WDR35: variants seen among roughly 807,000 people sequenced by gnomAD.
The protein encoded by WDR35 is WD repeat domain 35.
Under a neutral mutation model 158.3 loss-of-function variants are expected in WDR35, and 118 were observed. That is an observed-to-expected ratio of 0.75 (90% CI 0.64 to 0.87). The LOEUF is 0.87. Ranked by LOEUF, WDR35 falls within the 40% of genes least tolerant of loss-of-function variation. WDR35 has a pLI of 0.00. For synonymous variants in WDR35, 448 were observed against 476.1 expected (o/e 0.94, Z 0.77); for missense variants, 1,263 against 1,405.8 (o/e 0.90, Z 1.62).
At chr2:19,926,491 C>T (rs190236905) in intron 25 of WDR35, among the ~76,000 whole-genome samples, 23 of 152,308 alleles carry the variant, frequency 1.5e-4, no homozygotes, top group Non-Finnish European at 2.8e-4. Flanking sequence ...ATTCTTCATA[C>T]GTGGTTCATT....
rs1387684680 is a variant in WDR35, at chr2:19,930,507, T to G, written c.3010A>C (p.Thr1004Pro). 6.2e-7 allele frequency: 1 copy of G among 1,614,088 alleles called. No homozygotes were observed. Among genetic ancestry groups the G allele is most frequent in the Non-Finnish European group, 8.5e-7 (1 of 1,180,062 alleles). ...AGLLEEEVLS[T>P]TDRFTDNAWR... ...GCATTATCTGTGAAACGATCTGTTG[T>G]AGACAGAACTTCTTCTTCCAGCAAA... The change falls in exon 25 of 27, where the codon ACA becomes CCA. Residue 1004 changes from threonine to proline, a missense_variant. Thr to Pro is a conservative substitution (Grantham distance 38). Coordinates refer to ENST00000281405, the MANE Select transcript of WDR35 (RefSeq NM_020779.4).
At chr2:19,921,901 G>T (rs1670179483) in intron 25 of WDR35, among the ~76,000 whole-genome samples, 1 of 152,222 alleles carries the variant, frequency 6.6e-6, no homozygotes, top group South Asian at 2.1e-4. Flanking sequence ...CCATCAAAAA[G>T]TGGGTGAAGG....
chr2:19,952,846 T>C (rs1293760580), intron 12 of WDR35, among the ~76,000 whole-genome samples: 1 of 139,612 alleles, frequency 7.2e-6, no homozygotes, highest in Non-Finnish European at 1.5e-5. Flanking sequence ...TGGAGTGCAG[T>C]GGCGGGATCT....
At chr2:19,952,625 C>T (rs761920543) in intron 12 of WDR35, among the ~76,000 whole-genome samples, 12 of 152,110 alleles carry the variant, frequency 7.9e-5, no homozygotes, top group East Asian at 1.9e-4. Flanking sequence ...ATTGCTACCA[C>T]GGTAACGCCT....
intron 23 of WDR35, 76 bp from the exon 24 acceptor site, chr2:19,931,485 C>A: frequency 6.5e-7 from 1 of 1,545,908 alleles, no homozygotes; most frequent in Non-Finnish European, 8.9e-7. Flanking sequence ...CCAAAACTAA[C>A]AAATTTGATT....
At chr2:19,964,687 A>G (rs1190685594) in intron 10 of WDR35, among the ~76,000 whole-genome samples, 1 of 151,970 alleles carries the variant, frequency 6.6e-6, no homozygotes, top group African/African-American at 2.4e-5. Context: ...TTGAAATGCT[A>G]AGCTTCCCGG....
intron 22 of WDR35, among the ~76,000 whole-genome samples, chr2:19,932,666 T>C (rs1242175004): frequency 1.3e-5 from 2 of 152,158 alleles, no homozygotes; most frequent in African/African-American, 4.8e-5. Context: ...GCTTAAGAAA[T>C]ACATGTGAAA....
rs754083430 is a variant in WDR35, at chr2:19,914,079, GAAGT to G, written c.3316_3319del (p.Thr1106GlnfsTer50). Reference sequence around the variant, plus strand: ...CAATTCAGGTTTTCTGTTATCTTTTGAAGTATGTTTGGTGAAGATTTCTAAAGCA... The same window carrying G: ...CAATTCAGGTTTTCTGTTATCTTTTGATGTTTGGTGAAGATTTCTAAAGCA... On this transcript the variant is annotated frameshift_variant, in exon 26 of 27. Transcript: ENST00000281405. LOFTEE classifies it high-confidence loss of function. The G allele has an allele frequency of 6.2e-7, 1 of 1,614,140 alleles. No homozygotes were observed. The highest frequency in any genetic ancestry group is 1.1e-5 in the South Asian group (1 of 91,072).
In WDR35 at chr2:19,942,185, TATTCAGTCCAATTTTCTCAATTAATA is replaced by T. The variant is rs544472560; in HGVS notation, c.1846-372_1846-347del. ...ATGTTAATTCCCTAATAGCATGTAATATTCAGTCCAATTTTCTCAATTAATAAAAAGTCATATAGCTTGAAAATTCT... is the reference window on the plus strand; with the variant it reads ...ATGTTAATTCCCTAATAGCATGTAATAAAAGTCATATAGCTTGAAAATTCT... On this transcript the variant is annotated intron_variant, in intron 16 of 26. Transcript: ENST00000281405. Among the ~76,000 whole-genome samples the T allele has an allele frequency of 9.3e-3, 1,409 of 152,322 alleles. 42 individuals are homozygous for T. The highest frequency in any genetic ancestry group is 0.056 in the Admixed American group (851 of 15,298).
Position 19,978,772 on chromosome 2 carries a change from C to T in WDR35, c.415G>A (p.Val139Met). 1 of 1,613,876 alleles carries T rather than the reference C, an allele frequency of 6.2e-7. No individual in the cohort carries two copies. The highest frequency in any genetic ancestry group is 8.5e-7 in the Non-Finnish European group (1 of 1,179,844). Residue 139 changes from valine (V) to methionine (M), a missense_variant, in exon 5 of 27, where the codon GTG (valine) becomes ATG (methionine). Val to Met is a conservative substitution (Grantham distance 21, BLOSUM62 1). Coordinates refer to ENST00000281405, the MANE Select transcript of WDR35 (RefSeq NM_020779.4). ...TTACCATCCACTGAACCAACTATCA[C>T]AGCCCCATCTTCATATACAATGCAG... ...KICIVYEDGAVIVGSVDGNRI... is the reference protein window; with the variant it reads ...KICIVYEDGAMIVGSVDGNRI...
At chr2:19,936,490 A>G in intron 19 of WDR35, 125 bp from the exon 20 acceptor site, 1 of 1,401,654 alleles carries the variant, frequency 7.1e-7, no homozygotes, top group South Asian at 1.2e-5. Flanking sequence ...GACTCTCCAA[A>G]CACTTTAGGA....
At chr2:19,924,192 C>T (rs191331969) in intron 25 of WDR35, among the ~76,000 whole-genome samples, 134 of 152,264 alleles carry the variant, frequency 8.8e-4, no homozygotes, top group South Asian at 6.2e-3. Context: ...GAGAACAATA[C>T]GCTTCCTTTA....
intron 25 of WDR35, among the ~76,000 whole-genome samples, chr2:19,925,591 G>C (rs1422693093): frequency 6.6e-6 from 1 of 152,176 alleles, no homozygotes; most frequent in Non-Finnish European, 1.5e-5. Context: ...GTTGGAGTTG[G>C]TAAAGCCCCT....
intron 19 of WDR35, among the ~76,000 whole-genome samples, chr2:19,936,764 G>C (rs1670709999): frequency 6.6e-6 from 1 of 152,150 alleles, no homozygotes; most frequent in Admixed American, 6.5e-5. Context: ...AAGTGAGACA[G>C]GGCCCTCAAC....
chr2:19,989,910 C>G (rs1008284405), intron 1 of WDR35, 82 bp downstream of exon 1: 1 of 1,591,252 alleles, frequency 6.3e-7, no homozygotes, highest in African/African-American at 1.3e-5. Context: ...GGTGAAGGAG[C>G]CTGGCTTCTC....
At chr2:19,948,347 C>T (rs1046348919) in intron 13 of WDR35, 130 bp from the exon 14 acceptor site, 6 of 788,336 alleles carry the variant, frequency 7.6e-6, no homozygotes, top group South Asian at 3.6e-5. Context: ...TACTGCTGAG[C>T]ACCTACTATG....
chr2:19,913,392 C>T lies in WDR35; in HGVS notation c.*166G>A, dbSNP rs1669893910. The T allele has an allele frequency of 4.0e-6, 3 of 753,002 alleles. No homozygotes were observed. The highest frequency in any genetic ancestry group is 4.0e-6 in the Non-Finnish European group (2 of 495,628). The allele number at this position is 753,002 out of a possible 1,614,324, so 46.6% of individuals were successfully genotyped here. A position where few individuals can be genotyped will look rare whatever the true frequency, so the allele number is the denominator to read the frequency against. ...CCTTATTATTTCACAGTTGTATTGCCATAAAAATTATTTTATTAACATATA... is the reference window on the plus strand; with the variant it reads ...CCTTATTATTTCACAGTTGTATTGCTATAAAAATTATTTTATTAACATATA... On this transcript the variant is annotated 3_prime_UTR_variant, in exon 27 of 27. Coordinates refer to ENST00000281405, the MANE Select transcript of WDR35 (RefSeq NM_020779.4).
Position 19,931,369 on chromosome 2 carries a change from C to A in WDR35, c.2864G>T (p.Arg955Leu). 6.2e-7 allele frequency: 1 copy of A among 1,613,368 alleles called. No homozygotes were observed. The highest frequency in any genetic ancestry group is 8.5e-7 in the Non-Finnish European group (1 of 1,179,662). ...TGACAGTACATAGAGCTTCTTGACA[C>A]GTAAAGGTTTACTTCCTTTCTTTGC... Reference protein sequence around the residue: ...EEAKKGSKPLRVKKLYVLSAL... With the variant: ...EEAKKGSKPLLVKKLYVLSAL... The change falls in exon 24 of 27, where the codon CGT becomes CTT. Residue 955 changes from arginine to leucine, a missense_variant. Arg to Leu is a moderately radical substitution (Grantham distance 102). Transcript: ENST00000281405.
chr2:19,984,666 A>G (rs1672495846), intron 2 of WDR35, among the ~76,000 whole-genome samples: 1 of 152,260 alleles, frequency 6.6e-6, no homozygotes, highest in African/African-American at 2.4e-5. Flanking sequence ...ACTGAAAACA[A>G]AAGGTATGAC....
Sources: gnomAD v4.1 joint callset for allele counts (sites outside exome capture counted in the v4.1 genomes callset) on GRCh38, gnomAD v4.1.1 for gene constraint, MANE v1.5 for transcripts, NCBI Gene and HGNC (gene_info 2026-07-23, HGNC 2026-07-21) for gene names.